The following CCDC102B variants were observed in gnomAD, a reference collection of about 807,000 sequenced individuals.
CCDC102B encodes coiled-coil domain-containing protein 102B.
CCDC102B carries 75 observed loss-of-function variants against 57.4 expected under a neutral mutation model. That is an observed-to-expected ratio of 1.31 (90% confidence interval 1.08 to 1.58). CCDC102B has a LOEUF of 1.58. Among genes scored for constraint, CCDC102B ranks in the 40% most tolerant of loss-of-function variants. The pLI is 0.00. For synonymous variants in CCDC102B, 206 were observed against 201.9 expected (o/e 1.02, Z -0.17); for missense variants, 636 against 582.6 (o/e 1.09, Z -0.94).
At chr18:68,775,464 C>T (rs1370191577) in intron 2 of CCDC102B, among the ~76,000 whole-genome samples, 1 of 151,760 alleles carries the variant, frequency 6.6e-6, no homozygotes, top group African/African-American at 2.4e-5. Flanking sequence ...TTGTTATAAC[C>T]AAGTATGGAA....
chr18:68,932,688 C>T (rs193070703), intron 6 of CCDC102B, among the ~76,000 whole-genome samples: 1 of 151,966 alleles, frequency 6.6e-6, no homozygotes, highest in East Asian at 1.9e-4. Context: ...AGATACTAAA[C>T]AAAACACCGT....
intron 4 of CCDC102B, among the ~76,000 whole-genome samples, chr18:68,873,715 G>A (rs931923127): frequency 3.9e-5 from 6 of 151,970 alleles, no homozygotes; most frequent in Admixed American, 2.6e-4. Context: ...AACATTATGA[G>A]TACTACTTTT....
intron 4 of CCDC102B, among the ~76,000 whole-genome samples, chr18:68,847,902 T>C (rs1312170173): frequency 6.6e-6 from 1 of 151,786 alleles, no homozygotes; most frequent in African/African-American, 2.4e-5. Context: ...ATTGTTTGAA[T>C]TATTTATATG....
chr18:68,962,217 G>C (rs2050063168), intron 6 of CCDC102B, among the ~76,000 whole-genome samples: 1 of 152,064 alleles, frequency 6.6e-6, no homozygotes, highest in South Asian at 2.1e-4. Flanking sequence ...AAAGCAAATA[G>C]AGCATTGCTT....
At chr18:68,751,895 T>C (rs1441548304) in intron 2 of CCDC102B, among the ~76,000 whole-genome samples, 1 of 152,116 alleles carries the variant, frequency 6.6e-6, no homozygotes, top group African/African-American at 2.4e-5. Context: ...AAGAAACCCA[T>C]TTCTTGATGC....
chr18:69,027,733 A>G (rs1201644008), intron 7 of CCDC102B, among the ~76,000 whole-genome samples: 1 of 152,096 alleles, frequency 6.6e-6, no homozygotes, highest in African/African-American at 2.4e-5. Flanking sequence ...ATAGAAATAT[A>G]TACCTTATTT....
chr18:68,897,531 T>C, intron 6 of CCDC102B, 103 bp downstream of exon 6: 2 of 1,552,284 alleles, frequency 1.3e-6, no homozygotes, highest in Non-Finnish European at 1.8e-6. Context: ...GGATATTTCC[T>C]TTTGTGCCAG....
At chr18:68,969,850 G>T (rs1252466833) in intron 6 of CCDC102B, among the ~76,000 whole-genome samples, 1 of 151,970 alleles carries the variant, frequency 6.6e-6, no homozygotes, top group African/African-American at 2.4e-5. Context: ...TCAGAAGCAT[G>T]TAATCAGAAA....
chr18:68,976,104 T>C (rs765943364), intron 6 of CCDC102B, among the ~76,000 whole-genome samples: 1 of 151,990 alleles, frequency 6.6e-6, no homozygotes, highest in Non-Finnish European at 1.5e-5. Context: ...TAAACCAAAG[T>C]TTTAAAAATA....
At chr18:68,814,636 A>T (rs6566383) in intron 1 of CCDC102B, among the ~76,000 whole-genome samples, 62,444 of 151,872 alleles carry the variant, frequency 0.41, 14,166 homozygotes, top group East Asian at 0.86. Context: ...ATTTCTAAAG[A>T]CAGAGCAATA....
chr18:68,735,808 T>C (rs2033099159), intron 2 of CCDC102B, among the ~76,000 whole-genome samples: 1 of 152,218 alleles, frequency 6.6e-6, no homozygotes, highest in Non-Finnish European at 1.5e-5. Flanking sequence ...AAACACCTCA[T>C]GTTGTAAGAT....
chr18:69,014,978 A>AGTGTGTGTGTGT lies in CCDC102B; in HGVS notation c.1434+3888_1434+3899dup, dbSNP rs3035604. On this transcript the variant is annotated intron_variant, in intron 7 of 7. Coordinates refer to ENST00000360242, the MANE Select transcript of CCDC102B (RefSeq NM_024781.3). The stretch of plus-strand genomic sequence containing the variant: ...GTGAATGAGAGAGAGAGAGAGAGAG[A>AGTGTGTGTGTGT]GTGTGTGTGTGTGTGTGTGTGTGTG... Among the ~76,000 whole-genome samples the AGTGTGTGTGTGT allele has an allele frequency of 1.6e-4, 23 of 139,430 alleles. 1 individual carries two copies. The highest frequency in any genetic ancestry group is 4.5e-4 in the African/African-American group (17 of 37,814). 91.5% of individuals were successfully genotyped at this position (139,430 alleles called of 152,430 possible).
chr18:68,750,767 G>T (rs1199144932), intron 2 of CCDC102B, among the ~76,000 whole-genome samples: 1 of 140,668 alleles, frequency 7.1e-6, no homozygotes, highest in African/African-American at 2.6e-5. Flanking sequence ...CTTGGACACA[G>T]GAAGGGGAAC....
chr18:68,964,853 T>C (rs527764945), intron 6 of CCDC102B, among the ~76,000 whole-genome samples: 2 of 152,104 alleles, frequency 1.3e-5, no homozygotes, highest in South Asian at 2.1e-4. Context: ...TTACTTGATA[T>C]TGAATTCTGA....
chr18:68,961,229 T>G (rs1189688289), intron 6 of CCDC102B, among the ~76,000 whole-genome samples: 3 of 152,030 alleles, frequency 2.0e-5, no homozygotes, highest in Non-Finnish European at 4.4e-5. Context: ...TAGAGGCAAT[T>G]TGATTCCCTA....
At chr18:69,008,107 T>C (rs975244319) in intron 6 of CCDC102B, among the ~76,000 whole-genome samples, 1 of 152,256 alleles carries the variant, frequency 6.6e-6, no homozygotes, top group African/African-American at 2.4e-5. Flanking sequence ...CTCTGAATTA[T>C]TTGTGCAGCA....
chr18:68,884,926 A>G (rs1275955729), intron 5 of CCDC102B, among the ~76,000 whole-genome samples: 1 of 151,846 alleles, frequency 6.6e-6, no homozygotes, highest in African/African-American at 2.4e-5. Flanking sequence ...TGTATATGCT[A>G]ATTTGCTAAA....
At chr18:68,988,401 A>G (rs980965951) in intron 6 of CCDC102B, among the ~76,000 whole-genome samples, 40 of 124 alleles carry the variant, frequency 0.32, no homozygotes, top group Admixed American at 0.46. Context: ...TAGAGTGCGG[A>G]GGGTGGGAGG....
intron 6 of CCDC102B, among the ~76,000 whole-genome samples, chr18:68,972,938 A>C (rs572448678): frequency 4.6e-5 from 7 of 152,272 alleles, no homozygotes; most frequent in Admixed American, 4.6e-4. Flanking sequence ...TTGCAATTTG[A>C]TGTAGGATAT....
Sources: gnomAD v4.1 joint callset for allele counts (sites outside exome capture counted in the v4.1 genomes callset) on GRCh38, gnomAD v4.1.1 for gene constraint, MANE v1.5 for transcripts, NCBI Gene and HGNC (gene_info 2026-07-23, HGNC 2026-07-21) for gene names.